ELMO1: variants seen among roughly 807,000 people sequenced by gnomAD.
ELMO1 encodes engulfment and cell motility 1.
ELMO1 carries 26 observed loss-of-function variants against 98.9 expected under a neutral mutation model. The ratio of observed to expected loss-of-function variants is 0.26; its 90% CI spans 0.19 to 0.36. The LOEUF (loss-of-function observed/expected upper bound fraction) is 0.36, where lower values mean the gene tolerates loss of function less well. ELMO1 is among the 10% of genes least tolerant of loss of function. The probability of loss-of-function intolerance (pLI) is 1.00; values close to 1 mark genes in which losing one functional copy is unlikely to be tolerated. For synonymous variants in ELMO1, 346 were observed against 346.0 expected, an observed-to-expected ratio of 1.00 and a Z score of 0.00; for missense variants, 627 against 935.2, an observed-to-expected ratio of 0.67 and a Z score of 4.30.
intron 16 of ELMO1, among the ~76,000 whole-genome samples, chr7:36,901,157 T>A (rs1252989599): frequency 3.3e-5 from 5 of 152,216 alleles, no homozygotes; most frequent in Non-Finnish European, 5.9e-5. Flanking sequence ...TTGGGTCAGC[T>A]TCCGGAAACT....
intron 16 of ELMO1, among the ~76,000 whole-genome samples, chr7:37,003,352 G>T (rs192703486): frequency 1.3e-5 from 2 of 152,140 alleles, no homozygotes; most frequent in Non-Finnish European, 2.9e-5. Context: ...ATGAGACAAC[G>T]TCTCAAATAC....
At chr7:36,868,321 GTTCTGCTTC>G (rs1252712495) in intron 20 of ELMO1, among the ~76,000 whole-genome samples, 1 of 139,752 alleles carries the variant, frequency 7.2e-6, no homozygotes, top group African/African-American at 2.7e-5. Context: ...TTTCCGCTTT[GTTCTGCTTC>G]TTCTTCTTCT....
intron 5 of ELMO1, among the ~76,000 whole-genome samples, chr7:37,263,306 A>C (rs1176129609): frequency 6.6e-6 from 1 of 151,692 alleles, no homozygotes; most frequent in Non-Finnish European, 1.5e-5. Flanking sequence ...AAGTCTTTCC[A>C]GTTATCCAGT....
rs1012261955 is a variant in ELMO1 at position 37,101,555 on chromosome 7, T to C, written c.1192-4828A>G. 2.0e-5 allele frequency among the ~76,000 whole-genome samples: 3 copies of C among 152,298 alleles called. No individual in the cohort carries two copies. In the South Asian group the frequency reaches 6.2e-4, roughly 32 times the overall value. On this transcript the variant is annotated intron_variant, in intron 14 of 21. Coordinates refer to ENST00000310758, the MANE Select transcript of ELMO1 (RefSeq NM_014800.11). ...AAAAAGTTAAAAAATTAATTGGTTA[T>C]AGAAGCAGTTACAAAAAATAAACAG...
intron 1 of ELMO1, chr7:37,375,447 T>C (rs2131369080): frequency 3.1e-6 from 2 of 640,420 alleles, no homozygotes. Flanking sequence ...GCAAGGGCAG[T>C]CAGCCCGTGA....
intron 4 of ELMO1, among the ~76,000 whole-genome samples, chr7:37,288,460 G>T (rs1189129501): frequency 8.5e-5 from 13 of 152,172 alleles, no homozygotes; most frequent in Admixed American, 8.5e-4. Context: ...CTCCACCTCA[G>T]GTGATCCGCC....
chr7:36,968,177 G>A (rs1331144091), intron 16 of ELMO1, among the ~76,000 whole-genome samples: 1 of 151,702 alleles, frequency 6.6e-6, no homozygotes, highest in Non-Finnish European at 1.5e-5. Context: ...TCATTCTATT[G>A]GTTTTATTTC....
intron 15 of ELMO1, among the ~76,000 whole-genome samples, chr7:37,049,532 G>A (rs557677473): frequency 1.2e-3 from 180 of 152,090 alleles, no homozygotes; most frequent in Non-Finnish European, 2.2e-3. Flanking sequence ...TTGGGAGCCT[G>A]CTGTATCCTT....
intron 16 of ELMO1, among the ~76,000 whole-genome samples, chr7:36,932,504 T>C (rs369366650): frequency 1.3e-4 from 20 of 152,208 alleles, no homozygotes; most frequent in Admixed American, 1.2e-3. Flanking sequence ...CAGAAAAGGA[T>C]TGACTGTGGC....
At chr7:36,873,124 T>C (rs537493605) in intron 19 of ELMO1, among the ~76,000 whole-genome samples, 2 of 152,334 alleles carry the variant, frequency 1.3e-5, no homozygotes, top group South Asian at 2.1e-4. Context: ...ACATCATTCA[T>C]AGGATTATGA....
intron 15 of ELMO1, among the ~76,000 whole-genome samples, chr7:37,022,054 C>T (rs1259125361): frequency 6.6e-6 from 1 of 152,160 alleles, no homozygotes; most frequent in East Asian, 1.9e-4. Context: ...GTATATGCAT[C>T]TGGAAGAAAT....
At chr7:37,177,394 A>G (rs556775963) in intron 13 of ELMO1, among the ~76,000 whole-genome samples, 1 of 152,340 alleles carries the variant, frequency 6.6e-6, no homozygotes, top group South Asian at 2.1e-4. Context: ...TAGTTCTCAA[A>G]CTTCAGAGCT....
intron 4 of ELMO1, among the ~76,000 whole-genome samples, chr7:37,273,458 A>T (rs1219420312): frequency 2.6e-5 from 4 of 152,126 alleles, no homozygotes. Context: ...TTCTGCCATG[A>T]TTGTTAAGTT....
At chr7:37,359,780 G>C (rs1404797241) in intron 1 of ELMO1, among the ~76,000 whole-genome samples, 1 of 152,204 alleles carries the variant, frequency 6.6e-6, no homozygotes, top group Non-Finnish European at 1.5e-5. Context: ...GCCAAATCCA[G>C]GCTGGTTCAC....
intron 16 of ELMO1, among the ~76,000 whole-genome samples, chr7:36,948,854 CTTTT>C (rs901816449): frequency 1.3e-5 from 2 of 152,152 alleles, no homozygotes; most frequent in Non-Finnish European, 2.9e-5. Context: ...CTCACTCACT[CTTTT>C]TGTTTGTTTG....
chr7:37,260,341 G>T (rs1409678885), intron 5 of ELMO1, among the ~76,000 whole-genome samples: 1 of 152,094 alleles, frequency 6.6e-6, no homozygotes, highest in Non-Finnish European at 1.5e-5. Context: ...CATTAATGAG[G>T]TATCTCTCCT....
intron 13 of ELMO1, among the ~76,000 whole-genome samples, chr7:37,178,007 A>C (rs1345734871): frequency 2.0e-5 from 3 of 151,874 alleles, no homozygotes; most frequent in Admixed American, 6.6e-5. Context: ...GGTTAATTGT[A>C]CATGTCAACT....
At chr7:37,212,765 T>A (rs1458386750) in intron 12 of ELMO1, among the ~76,000 whole-genome samples, 1 of 152,186 alleles carries the variant, frequency 6.6e-6, no homozygotes, top group South Asian at 2.1e-4. Context: ...CCCAGCTGTT[T>A]CCTCTCACTC....
intron 12 of ELMO1, among the ~76,000 whole-genome samples, chr7:37,212,286 G>C (rs1223192989): frequency 1.3e-5 from 2 of 152,166 alleles, no homozygotes; most frequent in Non-Finnish European, 2.9e-5. Flanking sequence ...AAGATAAAAA[G>C]AGTTCTGGAG....
Sources: gnomAD v4.1 joint callset for allele counts (sites outside exome capture counted in the v4.1 genomes callset) on GRCh38, gnomAD v4.1.1 for gene constraint, MANE v1.5 for transcripts, NCBI Gene and HGNC (gene_info 2026-07-23, HGNC 2026-07-21) for gene names.